The following RAPGEF4 variants were observed in gnomAD, a reference collection of about 807,000 sequenced individuals.
The protein encoded by RAPGEF4 is Rap guanine nucleotide exchange factor 4.
In RAPGEF4, 66 loss-of-function variants were observed where a neutral mutation model predicts 147.9. The observed-to-expected ratio is 0.45, with a 90% CI of 0.37 to 0.55. The LOEUF (loss-of-function observed/expected upper bound fraction) is 0.55, where lower values mean the gene tolerates loss of function less well. Among genes scored for constraint, RAPGEF4 ranks in the 20% least tolerant of loss-of-function variants. RAPGEF4 has a pLI of 0.00. For synonymous variants in RAPGEF4, 419 were observed against 442.7 expected, an observed-to-expected ratio of 0.95 and a Z score of 0.67; for missense variants, 1,071 against 1,257.3, an observed-to-expected ratio of 0.85 and a Z score of 2.24.
At position 172,967,464 on chromosome 2, in the gene RAPGEF4, T is replaced by C; in HGVS notation, c.1004+20T>C. The C allele has an allele frequency of 1.2e-6, 2 of 1,603,832 alleles. No individual in the cohort carries two copies. Among genetic ancestry groups the C allele is most frequent in the Non-Finnish European group, 1.7e-6 (2 of 1,175,456 alleles). On this transcript the variant is annotated intron_variant, in intron 10 of 30. Coordinates refer to ENST00000397081, the MANE Select transcript of RAPGEF4 (RefSeq NM_007023.4). ...CAAACCGTGAGTGAGAGCTCGTGGC[T>C]CACCCCTCCAGGTCCCAAGGCCGCC...
chr2:173,048,643 G>A lies in RAPGEF4; in HGVS notation c.2897G>A (p.Ser966Asn), dbSNP rs1685800553. The A allele has an allele frequency of 1.2e-6, 2 of 1,614,012 alleles. No individual in the cohort carries two copies. The highest frequency in any genetic ancestry group is 1.7e-5 in the Admixed American group (1 of 60,006). Residue 966 changes from serine to asparagine, a missense_variant, in exon 30 of 31, where the codon AGC becomes AAC. By Grantham distance (46) the Ser-to-Asn change is conservative. Coordinates refer to ENST00000397081, the MANE Select transcript of RAPGEF4 (RefSeq NM_007023.4). The part of the protein sequence containing the change: ...NTARTVRYYR[S>N]QPFNPDAAQA... ...GCCAGAACAGTGAGATACTACAGGA[G>A]CCAACCCTTCAGTAAGTTAAGTGCT...
intron 4 of RAPGEF4, among the ~76,000 whole-genome samples, chr2:172,879,680 G>A (rs2149846434): frequency 6.6e-6 from 1 of 152,246 alleles, no homozygotes; most frequent in South Asian, 2.1e-4. Flanking sequence ...GTGTGCACCT[G>A]TAGTCCAAGC....
At chr2:172,857,168 G>A (rs1693507967) in intron 4 of RAPGEF4, among the ~76,000 whole-genome samples, 1 of 114,760 alleles carries the variant, frequency 8.7e-6, no homozygotes, top group South Asian at 2.5e-4. Flanking sequence ...ACGCGCGTGT[G>A]CGCGCGCACA....
intron 10 of RAPGEF4, among the ~76,000 whole-genome samples, chr2:172,973,084 G>A (rs887280521): frequency 1.4e-5 from 2 of 143,772 alleles, no homozygotes; most frequent in African/African-American, 5.1e-5. Flanking sequence ...TGTTTAGGTT[G>A]TTTTTCAAGC....
chr2:173,006,997 A>G (rs1008162894), intron 17 of RAPGEF4, among the ~76,000 whole-genome samples: 11 of 152,178 alleles, frequency 7.2e-5, no homozygotes, highest in Non-Finnish European at 1.3e-4. Context: ...GCTTTTTGGG[A>G]AAAAAATGAC....
At chr2:172,817,896 A>C (rs997448711) in intron 4 of RAPGEF4, among the ~76,000 whole-genome samples, 12 of 123,804 alleles carry the variant, frequency 9.7e-5, no homozygotes, top group Non-Finnish European at 1.4e-4. Flanking sequence ...ATATATATAT[A>C]TCACAATTAT....
chr2:172,844,162 T>G (rs2149712294), intron 4 of RAPGEF4, among the ~76,000 whole-genome samples: 1 of 152,356 alleles, frequency 6.6e-6, no homozygotes, highest in African/African-American at 2.4e-5. Context: ...GTCTGTGTAC[T>G]CTGTCCGTGT....
chr2:172,798,067 T>A (rs1197400597), intron 3 of RAPGEF4, among the ~76,000 whole-genome samples: 1 of 152,172 alleles, frequency 6.6e-6, no homozygotes, highest in African/African-American at 2.4e-5. Flanking sequence ...AGGGGATGTG[T>A]GGCTGTTGCA....
chr2:173,012,122 A>C (rs1036286265), intron 17 of RAPGEF4, among the ~76,000 whole-genome samples: 1 of 152,192 alleles, frequency 6.6e-6, no homozygotes, highest in Non-Finnish European at 1.5e-5. Context: ...AAATTTGCTC[A>C]TTTTTCACAG....
chr2:172,883,944 G>T (rs1696898830), intron 4 of RAPGEF4, among the ~76,000 whole-genome samples: 1 of 152,186 alleles, frequency 6.6e-6, no homozygotes, highest in South Asian at 2.1e-4. Context: ...AGGAGAGAAG[G>T]GGAGAAATTA....
chr2:172,896,963 G>A (rs1051361568), intron 4 of RAPGEF4, among the ~76,000 whole-genome samples: 15 of 152,174 alleles, frequency 9.9e-5, no homozygotes, highest in Admixed American at 3.3e-4. Flanking sequence ...TGCGGTGAGC[G>A]GCTTAGGGAG....
At position 173,001,038 on chromosome 2, in the gene RAPGEF4, G is replaced by A. The variant is rs1693868760; in HGVS notation, c.1580-228G>A. ...TACCCAGTGCCGTTTGTACAAGGCT[G>A]TCTCTCTTTAAAATATTATACTTTT... On this transcript the variant is annotated intron_variant, in intron 16 of 30. Coordinates refer to ENST00000397081, the MANE Select transcript of RAPGEF4 (RefSeq NM_007023.4). Among the ~76,000 whole-genome samples, 3 of 152,076 alleles carry A rather than the reference G, an allele frequency of 2.0e-5. No individual in the cohort carries two copies. The South Asian group carries it at 6.2e-4, about 32-fold the overall frequency.
chr2:172,967,455 G>A lies in RAPGEF4; in HGVS notation c.1004+11G>A, dbSNP rs1689965988. 2 of 1,606,788 alleles carry A rather than the reference G, an allele frequency of 1.2e-6. No homozygotes were observed. Among genetic ancestry groups the A allele is most frequent in the African/African-American group, 2.7e-5 (2 of 74,886 alleles). ...GATCCTTCGCAAACCGTGAGTGAGA[G>A]CTCGTGGCTCACCCCTCCAGGTCCC... On this transcript the variant is annotated intron_variant, in intron 10 of 30. Coordinates refer to ENST00000397081, the MANE Select transcript of RAPGEF4 (RefSeq NM_007023.4).
intron 1 of RAPGEF4, among the ~76,000 whole-genome samples, chr2:172,785,980 T>C (rs1189838745): frequency 6.6e-6 from 1 of 152,192 alleles, no homozygotes; most frequent in African/African-American, 2.4e-5. Flanking sequence ...GACTGTCAGA[T>C]AGCCAAGCAA....
intron 4 of RAPGEF4, among the ~76,000 whole-genome samples, chr2:172,816,815 C>T (rs1688559186): frequency 6.6e-6 from 1 of 152,290 alleles, no homozygotes; most frequent in Middle Eastern, 3.4e-3. Context: ...ACCTCTTTTA[C>T]AGGGTGGGGA....
At chr2:172,908,949 T>C (rs1196499922) in intron 4 of RAPGEF4, among the ~76,000 whole-genome samples, 1 of 152,216 alleles carries the variant, frequency 6.6e-6, no homozygotes, top group African/African-American at 2.4e-5. Context: ...GGTTTTCTTG[T>C]CATTTGAAGA....
chr2:173,018,675 C>G lies in RAPGEF4; in HGVS notation c.2028C>G (p.Cys676Trp), dbSNP rs756552425. 6.2e-7 allele frequency: 1 copy of G among 1,614,040 alleles called. No homozygotes were observed. The highest frequency in any genetic ancestry group is 1.1e-5 in the South Asian group (1 of 91,064). ...GSDEVLFKVYCMDHTYTTIRV... is the reference protein window; with the variant it reads ...GSDEVLFKVYWMDHTYTTIRV... ...GGATAGTTCTGTTTAAGGTCTATTGCATGGACCACACCTACACAACCATTC... is the reference window on the plus strand; with the variant it reads ...GGATAGTTCTGTTTAAGGTCTATTGGATGGACCACACCTACACAACCATTC... The change falls in exon 22 of 31, where the codon TGC becomes TGG. Residue 676 changes from cysteine to tryptophan, a missense_variant. Transcript: ENST00000397081.
At chr2:172,800,847 T>G (rs1355598319) in intron 3 of RAPGEF4, among the ~76,000 whole-genome samples, 1 of 152,174 alleles carries the variant, frequency 6.6e-6, no homozygotes, top group African/African-American at 2.4e-5. Context: ...ACATCTAGAT[T>G]AGTATTTAAC....
intron 6 of RAPGEF4, chr2:172,928,056 C>CTGTG (rs1685551628): frequency 2.9e-6 from 1 of 342,244 alleles, no homozygotes; most frequent in Non-Finnish European, 5.8e-6. Context: ...ATCCTGTGAG[C>CTGTG]TGTGTAGTGT....
Sources: gnomAD v4.1 joint callset for allele counts (sites outside exome capture counted in the v4.1 genomes callset) on GRCh38, gnomAD v4.1.1 for gene constraint, MANE v1.5 for transcripts, NCBI Gene and HGNC (gene_info 2026-07-23, HGNC 2026-07-21) for gene names.